CD38: variants seen among roughly 807,000 people sequenced by gnomAD.
CD38 encodes the protein ADP-ribosyl cyclase/cyclic ADP-ribose hydrolase 1.
In CD38, 31 loss-of-function variants were observed where a neutral mutation model predicts 36.3. That is an observed-to-expected ratio of 0.85 (90% CI 0.64 to 1.15). The LOEUF (loss-of-function observed/expected upper bound fraction) is 1.15, where lower values mean the gene tolerates loss of function less well. Ranked by LOEUF, CD38 falls within the 50% of genes most tolerant of loss-of-function variation. The pLI is 0.00. For missense variants in CD38, 380 were observed against 371.9 expected (o/e 1.02, Z -0.18); for synonymous variants, 131 against 135.2 (o/e 0.97, Z 0.22).
chr4:15,825,220 C>T (rs899280917), intron 3 of CD38: 8 of 532,886 alleles, frequency 1.5e-5, no homozygotes, highest in Non-Finnish European at 2.6e-5. Context: ...GTTTATTTGA[C>T]TCACAGTTAC....
intron 1 of CD38, among the ~76,000 whole-genome samples, chr4:15,783,194 C>T (rs1289611400): frequency 1.3e-5 from 2 of 152,122 alleles, no homozygotes; most frequent in African/African-American, 2.4e-5. Flanking sequence ...GACAGCATCT[C>T]GGTACTGTGG....
chr4:15,848,546 A>G lies in CD38; in HGVS notation c.847A>G (p.Lys283Glu). The G allele has an allele frequency of 6.2e-7, 1 of 1,613,244 alleles. No homozygotes were observed. The highest frequency in any genetic ancestry group is 1.1e-5 in the South Asian group (1 of 91,042). Residue 283 changes from lysine to glutamate, a missense_variant, in exon 8 of 8, where the codon AAG becomes GAG. Lys to Glu is a moderately conservative substitution (Grantham distance 56). Coordinates refer to ENST00000226279, the MANE Select transcript of CD38 (RefSeq NM_001775.4). ...TTTGCTTTCTTGTCATAGACCTGAC[A>G]AGTTTCTTCAGTGTGTGAAAAATCC... ...FSCKNIYRPD[K>E]FLQCVKNPED...
chr4:15,788,300 G>A (rs923296355), intron 1 of CD38, among the ~76,000 whole-genome samples: 6 of 152,172 alleles, frequency 3.9e-5, no homozygotes, highest in Non-Finnish European at 5.9e-5. Flanking sequence ...GCTACCAATT[G>A]GTTGGAGTTG....
At chr4:15,840,668 G>A in intron 7 of CD38, 130 bp downstream of exon 7, 1 of 606,956 alleles carries the variant, frequency 1.6e-6, no homozygotes. Context: ...ATCACAGATG[G>A]CAACCTCTGG....
At chr4:15,808,836 G>A (rs1338167818) in intron 1 of CD38, among the ~76,000 whole-genome samples, 5 of 152,206 alleles carry the variant, frequency 3.3e-5, no homozygotes, top group Admixed American at 6.5e-5. Flanking sequence ...TCTGGAAAAA[G>A]AGCTATTCAA....
rs1723925239 is a variant in CD38, at chr4:15,829,890, G to A, written c.500-4327G>A. Among the ~76,000 whole-genome samples the A allele has an allele frequency of 1.3e-5, 2 of 152,114 alleles. 1 individual carries two copies. Among genetic ancestry groups the A allele is most frequent in the Admixed American group, 1.3e-4 (2 of 15,254 alleles). ...ATTTCACTTAACATAATGACCTCCAGTTCTATTCATGTTGTTGCAAATGAC... is the reference window on the plus strand; with the variant it reads ...ATTTCACTTAACATAATGACCTCCAATTCTATTCATGTTGTTGCAAATGAC... On this transcript the variant is annotated intron_variant, in intron 3 of 7. Transcript: ENST00000226279.
intron 3 of CD38, among the ~76,000 whole-genome samples, chr4:15,831,792 C>G (rs1463347496): frequency 6.6e-6 from 1 of 152,074 alleles, no homozygotes; most frequent in Non-Finnish European, 1.5e-5. Context: ...GCTTGGTGTT[C>G]TATAACCTTC....
rs1393611442 is a variant in CD38, at chr4:15,778,672, G to A, written c.233+25G>A. 3 of 1,514,036 alleles carry A rather than the reference G, an allele frequency of 2.0e-6. No individual in the cohort carries two copies. Among genetic ancestry groups the A allele is most frequent in the Non-Finnish European group, 1.8e-6 (2 of 1,090,904 alleles). 93.8% of individuals were successfully genotyped at this position (1,514,036 alleles called of 1,614,324 possible). ...GGTGGGTTGGCGACTAAGGCGCACC[G>A]GTGGGCACTGCGGGGACAGCAGGGC... On this transcript the variant is annotated intron_variant, in intron 1 of 7. Transcript: ENST00000226279. This position sits in a 1 kb window ranked among gnomAD's most constrained non-coding sequence, Gnocchi z 4.9.
rs181555353 is a variant in CD38 at position 15,825,238 on chromosome 4, G to A, written c.499+222G>A. 5.5e-5 allele frequency: 26 copies of A among 472,960 alleles called. No individual in the cohort carries two copies. In the Admixed American group the frequency reaches 7.3e-4, roughly 13 times the overall value. The allele number at this position is 472,960 out of a possible 1,614,324, so 29.3% of individuals were successfully genotyped here. On this transcript the variant is annotated intron_variant, in intron 3 of 7. Coordinates refer to ENST00000226279, the MANE Select transcript of CD38 (RefSeq NM_001775.4). ...TATTTGACTCACAGTTACGCAGGCTGTACAAGAAGTAGGGTACCAGCATCC... is the reference window on the plus strand; with the variant it reads ...TATTTGACTCACAGTTACGCAGGCTATACAAGAAGTAGGGTACCAGCATCC...
intron 3 of CD38, among the ~76,000 whole-genome samples, chr4:15,832,016 C>G (rs559032418): frequency 3.3e-5 from 5 of 152,010 alleles, no homozygotes; most frequent in Non-Finnish European, 7.4e-5. Context: ...TGTGTATTTT[C>G]AAATAGCCTG....
chr4:15,815,223 T>C (rs1723571446), intron 1 of CD38, among the ~76,000 whole-genome samples: 1 of 152,242 alleles, frequency 6.6e-6, no homozygotes, highest in Non-Finnish European at 1.5e-5. Context: ...TTCGTTCTTT[T>C]TGCTTAGGAT....
At chr4:15,781,503 A>G (rs1052123484) in intron 1 of CD38, among the ~76,000 whole-genome samples, 2 of 152,248 alleles carry the variant, frequency 1.3e-5, no homozygotes, top group Non-Finnish European at 2.9e-5. Context: ...TCTGCTGGAC[A>G]GGCCAGCAGC....
At chr4:15,825,211 T>C (rs1404613401) in intron 3 of CD38, 195 bp downstream of exon 3, 1 of 546,596 alleles carries the variant, frequency 1.8e-6, no homozygotes, top group Non-Finnish European at 3.2e-6. Context: ...AGAAAAGAGG[T>C]TTATTTGACT....
At chr4:15,817,258 G>A (rs1384999626) in intron 2 of CD38, among the ~76,000 whole-genome samples, 1 of 152,170 alleles carries the variant, frequency 6.6e-6, no homozygotes, top group Admixed American at 6.5e-5. Context: ...ACAGAGGCCT[G>A]GATTCTAATA....
intron 2 of CD38, among the ~76,000 whole-genome samples, chr4:15,818,895 T>C (rs1376278318): frequency 2.6e-5 from 4 of 152,194 alleles, no homozygotes; most frequent in African/African-American, 9.7e-5. Flanking sequence ...TGCAAGAAGA[T>C]GAGAAAGAAT....
At chr4:15,797,910 T>C (rs540350922) in intron 1 of CD38, among the ~76,000 whole-genome samples, 1 of 152,266 alleles carries the variant, frequency 6.6e-6, no homozygotes, top group East Asian at 1.9e-4. Context: ...TATTTCCAAA[T>C]AAGGTCATTT....
At chr4:15,789,943 G>T (rs1184146623) in intron 1 of CD38, among the ~76,000 whole-genome samples, 1 of 152,142 alleles carries the variant, frequency 6.6e-6, no homozygotes, top group African/African-American at 2.4e-5. Context: ...CAGGTATTCT[G>T]CTATAAGCAA....
In CD38 at chr4:15,824,909, T is replaced by G. The variant is rs775751115; in HGVS notation, c.392T>G (p.Leu131Arg). 6.2e-7 allele frequency: 1 copy of G among 1,613,710 alleles called. No homozygotes were observed. The highest frequency in any genetic ancestry group is 1.7e-5 in the Admixed American group (1 of 59,974). ...CTTCTTTGGAGCAGAATAAAAGATC[T>G]GGCCCATCAGTTCACACAGGTCCAG... ...KILLWSRIKD[L>R]AHQFTQVQRD... is the part of the protein sequence containing the mutation. Residue 131 changes from leucine (L) to arginine (R), a missense_variant, in exon 3 of 8, where the codon CTG (leucine) becomes CGG (arginine). Transcript: ENST00000226279.
At chr4:15,840,599 T>G in intron 7 of CD38, 61 bp downstream of exon 7, 1 of 943,736 alleles carries the variant, frequency 1.1e-6, no homozygotes, top group Non-Finnish European at 1.7e-6. Context: ...ATTTCCTTTT[T>G]TCCTTAGCCT....
Sources: allele counts gnomAD v4.1 joint callset (sites outside exome capture counted in the v4.1 genomes callset), GRCh38; gene constraint gnomAD v4.1.1; non-coding constraint Gnocchi (gnomAD v3.1); transcripts MANE v1.5; gene names NCBI Gene and HGNC (gene_info 2026-07-23, HGNC 2026-07-21).